The following TLN2 variants were observed in gnomAD, a reference collection of about 807,000 sequenced individuals.
The protein encoded by TLN2 is talin 2, also known as talin-2.
A neutral mutation model predicts 294.7 loss-of-function variants in TLN2; 118 were observed. The observed-to-expected ratio is 0.40, with a 90% CI of 0.34 to 0.47. TLN2 has a LOEUF of 0.47. Ranked by LOEUF, TLN2 falls within the 20% of genes least tolerant of loss-of-function variation. The probability of loss-of-function intolerance (pLI) is 0.84; values close to 1 mark genes in which losing one functional copy is unlikely to be tolerated. For synonymous variants in TLN2, 1,431 were observed against 1,304.5 expected, an observed-to-expected ratio of 1.10 and a Z score of -2.09; for missense variants, 3,083 against 3,282.2, an observed-to-expected ratio of 0.94 and a Z score of 1.48.
At chr15:62,525,199 CAT>C (rs2040671411) in intron 1 of TLN2, among the ~76,000 whole-genome samples, 1 of 152,220 alleles carries the variant, frequency 6.6e-6, no homozygotes, top group Non-Finnish European at 1.5e-5. Context: ...TTGTCTCTCA[CAT>C]GTGTTTAATC....
chr15:62,693,903 C>T (rs1187130557), intron 13 of TLN2, among the ~76,000 whole-genome samples: 1 of 150,316 alleles, frequency 6.7e-6, no homozygotes, highest in Non-Finnish European at 1.5e-5. Flanking sequence ...ACTTGTGTCC[C>T]TTCAAAATGT....
intron 3 of TLN2, among the ~76,000 whole-genome samples, chr15:62,619,887 T>C (rs145121756): frequency 7.0e-4 from 107 of 152,314 alleles, no homozygotes; most frequent in African/African-American, 2.4e-3. Context: ...AGCTCTGGGG[T>C]ACTAATGTAA....
At chr15:62,518,185 T>G (rs1261802845) in intron 1 of TLN2, among the ~76,000 whole-genome samples, 1 of 152,120 alleles carries the variant, frequency 6.6e-6, no homozygotes, top group Non-Finnish European at 1.5e-5. Context: ...ACTACAGGCA[T>G]GCGTCACCAC....
intron 46 of TLN2, among the ~76,000 whole-genome samples, chr15:62,794,000 C>T (rs2065270042): frequency 6.6e-6 from 1 of 151,854 alleles, no homozygotes; most frequent in Non-Finnish European, 1.5e-5. Flanking sequence ...GGAAATAAAT[C>T]TCTCAGCTGG....
intron 28 of TLN2, among the ~76,000 whole-genome samples, chr15:62,733,679 G>A (rs1375692181): frequency 6.6e-6 from 1 of 152,202 alleles, no homozygotes; most frequent in Non-Finnish European, 1.5e-5. Context: ...CCATTATGTA[G>A]AATGCTACTA....
rs1304280261 is a variant in TLN2, at chr15:62,792,726, GC to G, written c.5826del (p.Thr1943GlnfsTer9). The G allele has an allele frequency of 6.2e-7, 1 of 1,613,920 alleles. No homozygotes were observed. The highest frequency in any genetic ancestry group is 8.5e-7 in the Non-Finnish European group (1 of 1,180,048). On this transcript the variant is annotated frameshift_variant, in exon 46 of 59. Coordinates refer to ENST00000636159, the MANE Select transcript of TLN2 (RefSeq NM_015059.3). LOFTEE classifies it high-confidence loss of function. ...CAGAAGGCAGGGGCCCTCCAGGTCT[GC>G]CCCACAGACAGCTACACCAAGAGGG... ...LVQKAGALQV[C>X]PTDSYTKREL...
intron 1 of TLN2, among the ~76,000 whole-genome samples, chr15:62,425,799 T>C (rs543345456): frequency 6.6e-5 from 10 of 152,230 alleles, no homozygotes; most frequent in Admixed American, 2.6e-4. Flanking sequence ...GCAGCATGTG[T>C]GTGCATTGTT....
intron 46 of TLN2, among the ~76,000 whole-genome samples, chr15:62,794,017 G>A (rs977539707): frequency 6.6e-6 from 1 of 151,928 alleles, no homozygotes; most frequent in Non-Finnish European, 1.5e-5. Flanking sequence ...CTGGAGGAAG[G>A]CATTTGCCTT....
intron 34 of TLN2, among the ~76,000 whole-genome samples, chr15:62,751,408 C>T (rs2061934179): frequency 6.6e-6 from 1 of 152,194 alleles, no homozygotes; most frequent in South Asian, 2.1e-4. Flanking sequence ...TATGGATTGT[C>T]TAAGGGAAAG....
chr15:62,410,727 T>C (rs915453799), intron 1 of TLN2, among the ~76,000 whole-genome samples: 3 of 152,212 alleles, frequency 2.0e-5, no homozygotes, highest in Non-Finnish European at 2.9e-5. Flanking sequence ...ATCTGGCACA[T>C]GTGGGAGTTC....
At chr15:62,662,796 G>GTTGGTGTATTTT (rs1274457452) in intron 9 of TLN2, among the ~76,000 whole-genome samples, 1 of 150,890 alleles carries the variant, frequency 6.6e-6, no homozygotes, top group African/African-American at 2.4e-5. Flanking sequence ...GGAATAGGGA[G>GTTGGTGTATTTT]TTGGTGTATT....
rs139814233 is a variant in TLN2, at chr15:62,708,628, C to T, written c.2299C>T (p.Leu767=). 2.4e-4 allele frequency: 392 copies of T among 1,614,218 alleles called. No homozygotes were observed. The highest frequency in any genetic ancestry group is 3.2e-4 in the Non-Finnish European group (374 of 1,180,038). Residue 767 remains leucine, a synonymous_variant, in exon 21 of 59, where the codon CTG becomes TTG. Transcript: ENST00000636159. ...CQAATTDSEL[L]KQVSAAASVV... The stretch of plus-strand genomic sequence containing the variant: ...GGCGGCCACTACCGATAGTGAGCTC[C>T]TGAAGCAGGTCAGCGCAGCGGCCAG...
chr15:62,664,586 C>T (rs923293287), intron 9 of TLN2, among the ~76,000 whole-genome samples: 6 of 152,012 alleles, frequency 3.9e-5, no homozygotes, highest in African/African-American at 1.5e-4. Context: ...CAGCTGGGCG[C>T]GTTGGCCCAC....
intron 57 of TLN2, among the ~76,000 whole-genome samples, chr15:62,838,349 C>T (rs1054979074): frequency 3.9e-5 from 6 of 152,206 alleles, no homozygotes; most frequent in African/African-American, 1.4e-4. Context: ...AACAGCCAGC[C>T]ACAAGCGTGG....
intron 48 of TLN2, among the ~76,000 whole-genome samples, chr15:62,799,084 G>T (rs1428099704): frequency 6.6e-6 from 1 of 152,146 alleles, no homozygotes; most frequent in Non-Finnish European, 1.5e-5. Context: ...GGTAGATGGG[G>T]CTAGCAAGCT....
At chr15:62,579,822 G>C (rs1245704791) in intron 1 of TLN2, among the ~76,000 whole-genome samples, 1 of 152,210 alleles carries the variant, frequency 6.6e-6, no homozygotes, top group African/African-American at 2.4e-5. Context: ...AGCAGTTGCT[G>C]AGGTTACGAG....
chr15:62,750,628 G>T (rs2061880780), intron 34 of TLN2, 137 bp downstream of exon 34: 1 of 734,488 alleles, frequency 1.4e-6, no homozygotes, highest in East Asian at 2.6e-5. Context: ...TATTTGTGGA[G>T]CCCTTTGCTC....
At chr15:62,820,084 G>A (rs544698108) in intron 53 of TLN2, among the ~76,000 whole-genome samples, 55 of 152,350 alleles carry the variant, frequency 3.6e-4, no homozygotes, top group African/African-American at 1.2e-3. Context: ...AAGGTGAGGG[G>A]TCAGTCCTCC....
intron 1 of TLN2, among the ~76,000 whole-genome samples, chr15:62,462,004 A>G (rs1165244547): frequency 6.6e-6 from 1 of 152,106 alleles, no homozygotes; most frequent in Admixed American, 6.5e-5. Context: ...TGGGCGGCTG[A>G]GGCAGGTGGA....
Sources: allele counts gnomAD v4.1 joint callset (sites outside exome capture counted in the v4.1 genomes callset), GRCh38; gene constraint gnomAD v4.1.1; transcripts MANE v1.5; gene names NCBI Gene and HGNC (gene_info 2026-07-23, HGNC 2026-07-21).